The following DOCK6 variants were observed in gnomAD, a reference collection of about 807,000 sequenced individuals.
DOCK6 encodes dedicator of cytokinesis protein 6.
In DOCK6, 167 loss-of-function variants were observed where a neutral mutation model predicts 230.3. The observed-to-expected ratio is 0.73, with a 90% confidence interval of 0.64 to 0.82. The LOEUF is 0.82. Ranked by LOEUF, DOCK6 falls within the 40% of genes least tolerant of loss-of-function variation. DOCK6 has a pLI of 0.00. For missense variants in DOCK6, 2,598 were observed against 2,825.8 expected (o/e 0.92, Z 1.83); for synonymous variants, 1,148 against 1,185.0 (o/e 0.97, Z 0.64).
Position 11,202,972 on chromosome 19 carries a change from TGAG to T in DOCK6, c.5236-266_5236-264del, listed in dbSNP as rs372957494. Among the ~76,000 whole-genome samples the T allele has an allele frequency of 4.7e-4, 72 of 152,330 alleles. 1 individual carries two copies. The South Asian group carries it at 0.015, about 32-fold the overall frequency. Reference sequence around the variant, plus strand: ...GGTACCCAATACATGCATAGATGGCTGAGGAGAGGGATGGCTGTCTCTCACTCT... The same window carrying T: ...GGTACCCAATACATGCATAGATGGCTGAGAGGGATGGCTGTCTCTCACTCT... On this transcript the variant is annotated intron_variant, in intron 41 of 47. Transcript: ENST00000294618. The surrounding 1 kb of genome is among the most constrained non-coding windows in gnomAD (Gnocchi z 5.3).
intron 39 of DOCK6, among the ~76,000 whole-genome samples, chr19:11,204,855 T>C (rs947693510): frequency 2.6e-5 from 4 of 152,174 alleles, no homozygotes; most frequent in African/African-American, 9.7e-5. Flanking sequence ...TTCACCACTT[T>C]TAGCAAGAAT....
At chr19:11,246,621 C>T (rs543734844) in intron 7 of DOCK6, among the ~76,000 whole-genome samples, 7 of 152,278 alleles carry the variant, frequency 4.6e-5, no homozygotes, top group Admixed American at 4.6e-4. Context: ...ACACAGAGCT[C>T]CTCCTCCCTG....
Position 11,222,924 on chromosome 19 carries a change from C to A in DOCK6, c.3070-19G>T. 6.2e-7 allele frequency: 1 copy of A among 1,612,082 alleles called. No homozygotes were observed. Among genetic ancestry groups the A allele is most frequent in the South Asian group, 1.1e-5 (1 of 90,836 alleles). ...TGGCCACCTGCAGGAGAGGGGTGGC[C>A]ATCAGTGATGTCAACATTGCTCCGC... On this transcript the variant is annotated intron_variant, in intron 25 of 47. Coordinates refer to ENST00000294618, the MANE Select transcript of DOCK6 (RefSeq NM_020812.4). This position sits in a 1 kb window ranked among gnomAD's most constrained non-coding sequence, Gnocchi z 4.0.
chr19:11,234,726 A>T (rs1044032634), intron 21 of DOCK6, among the ~76,000 whole-genome samples: 1 of 152,208 alleles, frequency 6.6e-6, no homozygotes, highest in Non-Finnish European at 1.5e-5. Context: ...TAGGCAGCTC[A>T]GCTTCAGTCT....
At chr19:11,246,213 C>T (rs553098672) in intron 7 of DOCK6, among the ~76,000 whole-genome samples, 24 of 151,846 alleles carry the variant, frequency 1.6e-4, no homozygotes, top group African/African-American at 3.4e-4. Flanking sequence ...ACTACAGGCA[C>T]GTGCCACCAT....
chr19:11,214,058 C>T (rs2079437834), intron 34 of DOCK6, among the ~76,000 whole-genome samples: 1 of 151,716 alleles, frequency 6.6e-6, no homozygotes, highest in South Asian at 2.1e-4. Flanking sequence ...GCTGGGATTA[C>T]AGGTGTGAGC....
At chr19:11,259,564 T>TTTTTC (rs2080251879) in intron 1 of DOCK6, among the ~76,000 whole-genome samples, 1 of 136,270 alleles carries the variant, frequency 7.3e-6, no homozygotes, top group South Asian at 2.6e-4. Context: ...TTCTTTTTTT[T>TTTTTC]TTTTTTTTTT....
chr19:11,255,089 T>C (rs1165101646), intron 1 of DOCK6, among the ~76,000 whole-genome samples: 2 of 151,576 alleles, frequency 1.3e-5, no homozygotes, highest in African/African-American at 4.8e-5. Flanking sequence ...CTGCAACACC[T>C]GCTTCCCGGG....
rs552194021 is a variant in DOCK6 at position 11,228,290 on chromosome 19, C to T, written c.2814+650G>A. Among the ~76,000 whole-genome samples the T allele has an allele frequency of 1.2e-3, 187 of 151,902 alleles. 2 individuals are homozygous for T. The highest frequency in any genetic ancestry group is 2.4e-3 in the Non-Finnish European group (165 of 67,912). On this transcript the variant is annotated intron_variant, in intron 23 of 47. Coordinates refer to ENST00000294618, the MANE Select transcript of DOCK6 (RefSeq NM_020812.4). ...CCTCCCAAAGTGCTGGGATTACAGG[C>T]GTGAGCCACTGTGCCTGACCACAGC...
Position 11,223,027 on chromosome 19 carries a change from A to G in DOCK6, c.3035T>C (p.Phe1012Ser). ...SDLLSLVDRGFVFSLVRAHYK... is the reference protein window; with the variant it reads ...SDLLSLVDRGSVFSLVRAHYK... ...GTGGGCCCGGACCAGGCTGAAGACA[A>G]AGCCCCGGTCCACCAGGGACAGAAG... The change falls in exon 25 of 48, where the codon TTT (phenylalanine) becomes TCT (serine). Residue 1012 changes from phenylalanine to serine, a missense_variant. Physicochemically the swap from Phe to Ser is radical, Grantham distance 155. Transcript: ENST00000294618. 6.2e-7 allele frequency: 1 copy of G among 1,613,720 alleles called. No individual in the cohort carries two copies. The highest frequency in any genetic ancestry group is 8.5e-7 in the Non-Finnish European group (1 of 1,179,848).
At chr19:11,205,342 C>T (rs1306419357) in intron 39 of DOCK6, among the ~76,000 whole-genome samples, 2 of 152,084 alleles carry the variant, frequency 1.3e-5, no homozygotes, top group Non-Finnish European at 2.9e-5. Context: ...TCTTCTAATG[C>T]TATCCCTCCC....
At chr19:11,232,236 AC>A in intron 22 of DOCK6, 1 of 1,289,700 alleles carries the variant, frequency 7.8e-7, no homozygotes. Flanking sequence ...GCACAGCCTT[AC>A]TGCCTCCTGG....
intron 41 of DOCK6, 178 bp downstream of exon 41, chr19:11,203,903 G>GT: frequency 1.3e-6 from 1 of 759,602 alleles, no homozygotes; most frequent in Non-Finnish European, 2.1e-6. Context: ...GGGGCGGGGG[G>GT]TGGGGGCATT....
At chr19:11,217,162 T>C (rs1465612930) in intron 29 of DOCK6, 66 bp from the exon 30 acceptor site, 2 of 1,596,874 alleles carry the variant, frequency 1.3e-6, no homozygotes, top group Non-Finnish European at 1.7e-6. Context: ...CTGGCCAATC[T>C]GTATCTTGAT....
intron 6 of DOCK6, among the ~76,000 whole-genome samples, chr19:11,248,994 G>T (rs1192908845): frequency 6.6e-6 from 1 of 152,086 alleles, no homozygotes; most frequent in Non-Finnish European, 1.5e-5. Flanking sequence ...GAATAAATAT[G>T]GGTGTATATA....
At chr19:11,221,291 G>T (rs2079575406) in intron 28 of DOCK6, 2 of 161,154 alleles carry the variant, frequency 1.2e-5, no homozygotes, top group Non-Finnish European at 2.7e-5. Flanking sequence ...TGATCAAAAG[G>T]CCTAATATAT....
chr19:11,250,986 A>G lies in DOCK6; in HGVS notation c.608T>C (p.Leu203Pro), dbSNP rs767696383. ...DLRNLAADSLLPSLLERAAPE... is the reference protein window; with the variant it reads ...DLRNLAADSLPPSLLERAAPE... ...GGCCGCCCGCTCTAGCAGAGAGGGC[A>G]GCAATGAGTCAGCTGCCAGGTTCCT... The change falls in exon 6 of 48, where the codon CTG becomes CCG. Residue 203 changes from leucine to proline, a missense_variant. Transcript: ENST00000294618. 6.2e-7 allele frequency: 1 copy of G among 1,613,916 alleles called. No individual in the cohort carries two copies. The highest frequency in any genetic ancestry group is 2.2e-5 in the East Asian group (1 of 44,874).
intron 24 of DOCK6, among the ~76,000 whole-genome samples, chr19:11,224,898 A>G (rs1330845445): frequency 1.3e-5 from 2 of 151,914 alleles, no homozygotes. Context: ...CCCCATCTCT[A>G]CTAAAAATAC....
At chr19:11,258,397 A>G (rs368371637) in intron 1 of DOCK6, among the ~76,000 whole-genome samples, 14 of 151,252 alleles carry the variant, frequency 9.3e-5, no homozygotes, top group African/African-American at 2.4e-4. Context: ...TTGCTTTCAA[A>G]TTATTCTTTA....
Sources: gnomAD v4.1 joint callset for allele counts (sites outside exome capture counted in the v4.1 genomes callset) on GRCh38, gnomAD v4.1.1 for gene constraint, Gnocchi (gnomAD v3.1) non-coding constraint, MANE v1.5 for transcripts, NCBI Gene and HGNC (gene_info 2026-07-23, HGNC 2026-07-21) for gene names.